Variants in EML1 observed in about 807,000 individuals in gnomAD.
The protein encoded by EML1 is EMAP like 1, also known as echinoderm microtubule-associated protein-like 1.
EML1 carries 27 observed loss-of-function variants against 110.4 expected under a neutral mutation model. The observed-to-expected ratio is 0.24, with a 90% CI of 0.18 to 0.34. The LOEUF is 0.34. Ranked by LOEUF, EML1 falls within the 10% of genes least tolerant of loss-of-function variation. The probability of loss-of-function intolerance (pLI) is 1.00; values close to 1 mark genes in which losing one functional copy is unlikely to be tolerated. For synonymous variants in EML1, 344 were observed against 385.8 expected (o/e 0.89, Z 1.27); for missense variants, 741 against 1,030.9 (o/e 0.72, Z 3.85).
intron 7 of EML1, among the ~76,000 whole-genome samples, chr14:99,897,845 A>G (rs2059697361): frequency 6.6e-6 from 1 of 152,154 alleles, no homozygotes; most frequent in South Asian, 2.1e-4. Context: ...ATGGATTTAT[A>G]TATTTGTATT....
chr14:99,895,917 T>G (rs1263673606), intron 6 of EML1, among the ~76,000 whole-genome samples: 1 of 151,664 alleles, frequency 6.6e-6, no homozygotes, highest in Non-Finnish European at 1.5e-5. Flanking sequence ...TCAAAAAGGC[T>G]CCCCAAAAAT....
At chr14:99,861,828 A>C (rs1595393485) in intron 2 of EML1, among the ~76,000 whole-genome samples, 1 of 152,072 alleles carries the variant, frequency 6.6e-6, no homozygotes, top group African/African-American at 2.4e-5. Context: ...ATAGTTTTAG[A>C]TTTCTAGAAA....
intron 3 of EML1, among the ~76,000 whole-genome samples, chr14:99,870,100 G>A (rs1304692736): frequency 6.6e-6 from 1 of 152,150 alleles, no homozygotes; most frequent in African/African-American, 2.4e-5. Flanking sequence ...GTTCTTGAAG[G>A]AAATTCGAAG....
upstream of EML1, among the ~76,000 whole-genome samples, chr14:99,789,666 T>C (rs2057640468): frequency 6.6e-6 from 1 of 152,222 alleles, no homozygotes; most frequent in Non-Finnish European, 1.5e-5. Context: ...GATTAAACAA[T>C]AGATGCACAA....
At chr14:99,751,797 G>A (rs1320160386) in intron 1 of EML1, among the ~76,000 whole-genome samples, 1 of 152,140 alleles carries the variant, frequency 6.6e-6, no homozygotes, top group Non-Finnish European at 1.5e-5. Flanking sequence ...CAGAACCGGG[G>A]CGGAAGACGA....
chr14:99,913,674 C>T (rs1240009422), intron 13 of EML1, among the ~76,000 whole-genome samples: 1 of 152,080 alleles, frequency 6.6e-6, no homozygotes, highest in Non-Finnish European at 1.5e-5. Context: ...TTTGATCACT[C>T]ACTCAACAGT....
intron 1 of EML1, among the ~76,000 whole-genome samples, chr14:99,775,896 T>C (rs188368437): frequency 6.6e-5 from 10 of 152,354 alleles, no homozygotes; most frequent in Admixed American, 5.9e-4. Context: ...CAGGACCCAT[T>C]ATAAGAACAT....
At chr14:99,760,702 G>A (rs924782138) in intron 1 of EML1, among the ~76,000 whole-genome samples, 3 of 152,156 alleles carry the variant, frequency 2.0e-5, no homozygotes, top group African/African-American at 4.8e-5. Flanking sequence ...CCTGCTCAAC[G>A]CCCAAACACC....
At chr14:99,869,176 TACA>T (rs1394231485) in intron 3 of EML1, among the ~76,000 whole-genome samples, 3 of 152,372 alleles carry the variant, frequency 2.0e-5, no homozygotes, top group African/African-American at 7.2e-5. Flanking sequence ...ACATTTTTTT[TACA>T]AATTGGTGGT....
chr14:99,759,960 A>G (rs2057296488), intron 1 of EML1, among the ~76,000 whole-genome samples: 1 of 151,836 alleles, frequency 6.6e-6, no homozygotes, highest in Non-Finnish European at 1.5e-5. Flanking sequence ...TACAGAAATT[A>G]GCCGGGCGTG....
chr14:99,854,179 C>T (rs1044337035), intron 2 of EML1, among the ~76,000 whole-genome samples: 1 of 152,076 alleles, frequency 6.6e-6, no homozygotes, highest in African/African-American at 2.4e-5. Context: ...TTTCTGCTGC[C>T]GTAGCCGCTA....
chr14:99,919,158 C>T (rs2060084240), intron 16 of EML1, among the ~76,000 whole-genome samples: 1 of 152,166 alleles, frequency 6.6e-6, no homozygotes, highest in Admixed American at 6.5e-5. Context: ...CATTGCTTTC[C>T]AGGTTTTGAT....
intron 1 of EML1, among the ~76,000 whole-genome samples, chr14:99,782,557 C>G (rs1188472999): frequency 2.0e-5 from 3 of 152,112 alleles, no homozygotes; most frequent in African/African-American, 4.8e-5. Context: ...CAGTTCTCAG[C>G]AATTGTCTGT....
upstream of EML1, among the ~76,000 whole-genome samples, chr14:99,770,301 T>C (rs1715150370): frequency 1.3e-5 from 2 of 152,200 alleles, no homozygotes; most frequent in African/African-American, 4.8e-5. Flanking sequence ...CAGACAATTG[T>C]CTTCTTCTTG....
In EML1 at chr14:99,878,715, G is replaced by C. The variant is rs11846850; in HGVS notation, c.518+96G>C. ...AGAAGATCCCCTCATATTCCAACAA[G>C]CTGGGAGTACTCTTGGAGAAGAAGA... On this transcript the variant is annotated intron_variant, in intron 4 of 21. Coordinates refer to ENST00000262233, the MANE Select transcript of EML1 (RefSeq NM_004434.3). The C allele has an allele frequency of 9.5e-3, 14,134 of 1,488,334 alleles. 1,191 individuals are homozygous for C. The African/African-American group carries it at 0.18, about 19-fold the overall frequency. 92.2% of individuals were successfully genotyped at this position (1,488,334 alleles called of 1,614,324 possible).
At chr14:99,818,248 A>G (rs1007374506) in intron 1 of EML1, among the ~76,000 whole-genome samples, 3 of 152,218 alleles carry the variant, frequency 2.0e-5, no homozygotes, top group Non-Finnish European at 2.9e-5. Flanking sequence ...TCACTCAGAC[A>G]TAAAGAAGAG....
chr14:99,923,059 A>G (rs2060157920), intron 17 of EML1, among the ~76,000 whole-genome samples: 2 of 152,208 alleles, frequency 1.3e-5, no homozygotes, highest in African/African-American at 4.8e-5. Flanking sequence ...CTCTCACCTC[A>G]GCCTCCCAAG....
intron 1 of EML1, among the ~76,000 whole-genome samples, chr14:99,742,801 T>C (rs1015993428): frequency 2.0e-5 from 3 of 151,918 alleles, no homozygotes. Context: ...ATCTGTAAAG[T>C]AGAGGTGACA....
rs1357454183 is a variant in EML1, at chr14:99,940,391, ATTC to A, written c.*282_*284del. On this transcript the variant is annotated 3_prime_UTR_variant, in exon 22 of 22. Transcript: ENST00000262233. ...CCACATCAACAGAAGTAACTGGTAT[ATTC>A]TTAGTAACTTTTCTATGAACTCTTC... 3.9e-6 allele frequency: 1 copy of A among 259,158 alleles called. No homozygotes were observed. The highest frequency in any genetic ancestry group is 2.2e-5 in the African/African-American group (1 of 45,204). The allele number at this position is 259,158 out of a possible 1,614,324, so 16.1% of individuals were successfully genotyped here. A position where few individuals can be genotyped will look rare whatever the true frequency, so the allele number is the denominator to read the frequency against.
Sources: allele counts gnomAD v4.1 joint callset (sites outside exome capture counted in the v4.1 genomes callset), GRCh38; gene constraint gnomAD v4.1.1; transcripts MANE v1.5; gene names NCBI Gene and HGNC (gene_info 2026-07-23, HGNC 2026-07-21).